Variants in KLHL4 observed in about 807,000 individuals in gnomAD.
KLHL4 encodes the protein kelch like family member 4, also known as kelch-like protein 4.
In KLHL4, 17 loss-of-function variants were observed where a neutral mutation model predicts 45.8. The ratio of observed to expected loss-of-function variants is 0.37; its 90% CI spans 0.25 to 0.56. The LOEUF (loss-of-function observed/expected upper bound fraction) is 0.56. KLHL4 is among the 20% of genes least tolerant of loss of function. The probability of loss-of-function intolerance (pLI) is 0.79; values close to 1 mark genes in which losing one functional copy is unlikely to be tolerated. For synonymous variants in KLHL4, 224 were observed against 189.9 expected, an observed-to-expected ratio of 1.18 and a Z score of -1.47; for missense variants, 544 against 544.9, an observed-to-expected ratio of 1.00 and a Z score of 0.02.
chrX:87,625,590 C>G lies in KLHL4; in HGVS notation c.1138-20C>G. The G allele has an allele frequency of 8.6e-7, 1 of 1,160,407 alleles. No homozygotes were observed. On this transcript the variant is annotated intron_variant, in intron 5 of 10. Transcript: ENST00000373119. ...AATGGTGAACTCTCCATTCATATAC[C>G]ATGCATCACTACTTTTCAGTTACTG... is the stretch of plus-strand genomic sequence containing the variant.
intron 1 of KLHL4, among the ~76,000 whole-genome samples, chrX:87,612,410 C>T (rs189053796): frequency 0.011 from 1,205 of 111,733 alleles, 7 homozygotes; most frequent in Non-Finnish European, 0.017. Context: ...CAGTAACATG[C>T]TGTACAGGTT....
At chrX:87,567,006 C>A (rs1047795905) in intron 1 of KLHL4, among the ~76,000 whole-genome samples, 14 of 110,386 alleles carry the variant, frequency 1.3e-4, no homozygotes, top group Middle Eastern at 4.6e-3. Context: ...GTACAATAAA[C>A]TCCCATGACA....
chrX:87,587,011 G>A (rs1358098295), intron 1 of KLHL4, among the ~76,000 whole-genome samples: 2 of 108,792 alleles, frequency 1.8e-5, no homozygotes, highest in African/African-American at 6.7e-5. Context: ...CAATAAATGA[G>A]AAAATCTGGA....
At chrX:87,592,771 T>C (rs1481306936) in intron 1 of KLHL4, among the ~76,000 whole-genome samples, 3 of 112,423 alleles carry the variant, frequency 2.7e-5, no homozygotes, top group Non-Finnish European at 5.6e-5. Flanking sequence ...GTTAGATTTA[T>C]TTCCTGTTGA....
Position 87,617,595 on chromosome X carries a change from A to G in KLHL4, c.728-337A>G, listed in dbSNP as rs760690794. Among the ~76,000 whole-genome samples, 5 of 112,030 alleles carry G rather than the reference A, an allele frequency of 4.5e-5. No homozygotes were observed. The South Asian group carries it at 1.9e-3, about 42-fold the overall frequency. On this transcript the variant is annotated intron_variant, in intron 3 of 10. Coordinates refer to ENST00000373119, the MANE Select transcript of KLHL4 (RefSeq NM_019117.5). ...GTATGTGTTTAAGGTGTACAACGTA[A>G]TATTCTCATGTACATATACAATGTG...
chrX:87,659,541 T>C (rs909761696), intron 9 of KLHL4, among the ~76,000 whole-genome samples: 4 of 111,124 alleles, frequency 3.6e-5, no homozygotes, highest in African/African-American at 1.3e-4. Flanking sequence ...AATTTTTAAA[T>C]TGTCATTTTA....
rs748794528 is a variant in KLHL4, at chrX:87,644,136, G to A, written c.1925+8361G>A. 6.3e-5 allele frequency among the ~76,000 whole-genome samples: 7 copies of A among 110,844 alleles called. No individual in the cohort carries two copies. In the East Asian group the frequency reaches 1.1e-3, roughly 18 times the overall value. ...CTCACTGTTTGCTGATGATATGATC[G>A]TTCACATTGAAAACCCTAAAGACTC... On this transcript the variant is annotated intron_variant, in intron 9 of 10. Coordinates refer to ENST00000373119, the MANE Select transcript of KLHL4 (RefSeq NM_019117.5).
chrX:87,530,916 A>T (rs1466992420), intron 1 of KLHL4, among the ~76,000 whole-genome samples: 1 of 110,551 alleles, frequency 9.0e-6, no homozygotes, highest in Non-Finnish European at 1.9e-5. Flanking sequence ...TTTTCTCCAC[A>T]TCCTCTCCAG....
intron 9 of KLHL4, among the ~76,000 whole-genome samples, chrX:87,646,801 A>G (rs1923652353): frequency 8.9e-6 from 1 of 111,860 alleles, no homozygotes; most frequent in Admixed American, 9.5e-5. Context: ...AAATTTCTAG[A>G]TGGTACATTG....
intron 1 of KLHL4, among the ~76,000 whole-genome samples, chrX:87,526,246 T>C (rs1460517235): frequency 8.9e-6 from 1 of 112,236 alleles, no homozygotes; most frequent in Non-Finnish European, 1.9e-5. Context: ...TAGTCTGAAG[T>C]ATGTTGCAAC....
intron 1 of KLHL4, among the ~76,000 whole-genome samples, chrX:87,575,289 C>T (rs1276953881): frequency 9.0e-6 from 1 of 111,301 alleles, no homozygotes; most frequent in African/African-American, 3.3e-5. Flanking sequence ...GCATTAGATT[C>T]TCATAGCAGC....
chrX:87,528,781 T>C (rs1364314973), intron 1 of KLHL4, among the ~76,000 whole-genome samples: 2 of 104,514 alleles, frequency 1.9e-5, no homozygotes, highest in South Asian at 4.2e-4. Context: ...GAAAACCTGT[T>C]TAACGAAGTA....
intron 9 of KLHL4, among the ~76,000 whole-genome samples, chrX:87,655,789 A>C (rs1569363611): frequency 8.9e-6 from 1 of 111,951 alleles, no homozygotes; most frequent in African/African-American, 3.2e-5. Context: ...TTTGAGTTTT[A>C]TACTTTCAGA....
chrX:87,610,375 A>G (rs747997127), intron 1 of KLHL4, among the ~76,000 whole-genome samples: 4 of 111,988 alleles, frequency 3.6e-5, no homozygotes, highest in African/African-American at 9.7e-5. Context: ...GCAAAGTTCT[A>G]TTGAAAGTTA....
At chrX:87,648,347 G>A (rs1923703159) in intron 9 of KLHL4, among the ~76,000 whole-genome samples, 1 of 111,147 alleles carries the variant, frequency 9.0e-6, no homozygotes, top group Admixed American at 9.6e-5. Context: ...AAATTTAGGA[G>A]AAAAAAATCA....
chrX:87,610,016 C>T (rs966448232), intron 1 of KLHL4, among the ~76,000 whole-genome samples: 20 of 111,574 alleles, frequency 1.8e-4, no homozygotes, highest in African/African-American at 6.5e-4. Context: ...TTGGAGGAGA[C>T]AAATGTCAAA....
chrX:87,649,576 T>C (rs933761929), intron 9 of KLHL4, among the ~76,000 whole-genome samples: 2 of 111,951 alleles, frequency 1.8e-5, no homozygotes, highest in African/African-American at 6.5e-5. Context: ...TGGTGTTTTA[T>C]CCAAGAAATG....
At chrX:87,652,472 C>A (rs780852837) in intron 9 of KLHL4, among the ~76,000 whole-genome samples, 3 of 112,256 alleles carry the variant, frequency 2.7e-5, no homozygotes, top group East Asian at 2.8e-4. Context: ...TTATAAATTT[C>A]TTCTACCAGA....
At chrX:87,552,693 T>TTATA (rs3049243) in intron 1 of KLHL4, among the ~76,000 whole-genome samples, 8 of 88,912 alleles carry the variant, frequency 9.0e-5, no homozygotes, top group East Asian at 4.8e-4. Flanking sequence ...AACTGTTAAA[T>TTATA]TATATATATA....
Sources: gnomAD v4.1 joint callset for allele counts (sites outside exome capture counted in the v4.1 genomes callset) on GRCh38, gnomAD v4.1.1 for gene constraint, MANE v1.5 for transcripts, NCBI Gene and HGNC (gene_info 2026-07-23, HGNC 2026-07-21) for gene names.